Variants in TENM1 observed in about 807,000 individuals in gnomAD.
TENM1 encodes teneurin transmembrane protein 1.
A neutral mutation model predicts 174.8 loss-of-function variants in TENM1; 35 were observed. The observed-to-expected ratio is 0.20, with a 90% confidence interval of 0.15 to 0.27. The LOEUF is 0.27. Ranked by LOEUF, TENM1 falls within the 10% of genes least tolerant of loss-of-function variation. The pLI, the probability that TENM1 is intolerant of heterozygous loss-of-function variation, is 1.00. For missense variants in TENM1, 1,633 were observed against 2,130.1 expected, an observed-to-expected ratio of 0.77 and a Z score of 4.59; for synonymous variants, 781 against 798.7, an observed-to-expected ratio of 0.98 and a Z score of 0.37.
chrX:125,202,838 G>C, the TENM1 span, among the ~76,000 whole-genome samples: 171 of 112,428 alleles, frequency 1.5e-3, no homozygotes, highest in African/African-American at 5.2e-3. Context: ...TCCGCCTCTA[G>C]GCAAAGCATC....
intron 3 of TENM1, among the ~76,000 whole-genome samples, chrX:124,845,566 C>T (rs188008104): frequency 9.0e-6 from 1 of 111,700 alleles, no homozygotes; most frequent in African/African-American, 3.2e-5. Flanking sequence ...GTATTCCGAG[C>T]ATCAGATAAG....
At chrX:124,767,158 T>C (rs1056571550) in intron 3 of TENM1, among the ~76,000 whole-genome samples, 2 of 111,694 alleles carry the variant, frequency 1.8e-5, no homozygotes, top group African/African-American at 6.5e-5. Flanking sequence ...CTTCCTTTGC[T>C]TTGATGCTAT....
At chrX:124,631,888 CAA>C (rs1207149583) in intron 11 of TENM1, among the ~76,000 whole-genome samples, 248 of 29,659 alleles carry the variant, frequency 8.4e-3, no homozygotes, top group African/African-American at 0.028. Context: ...GACTCTGTCT[CAA>C]AAAAAAAAAA....
At chrX:124,627,565 C>G (rs1185686697) in intron 11 of TENM1, among the ~76,000 whole-genome samples, 2 of 111,727 alleles carry the variant, frequency 1.8e-5, no homozygotes, top group Non-Finnish European at 3.8e-5. Flanking sequence ...CAACTGACAG[C>G]TTGGTGATCC....
the TENM1 span, among the ~76,000 whole-genome samples, chrX:125,038,736 C>G: frequency 9.0e-6 from 1 of 111,209 alleles, no homozygotes; most frequent in Non-Finnish European, 1.9e-5. Flanking sequence ...CACAAAACAA[C>G]TATAATTGAC....
the TENM1 span, among the ~76,000 whole-genome samples, chrX:125,044,212 T>TAAAAAAAAAAAAAAAAAAAAAAA: frequency 1.3e-5 from 1 of 74,849 alleles, no homozygotes; most frequent in Non-Finnish European, 2.6e-5. Context: ...TAAAAAAAAA[T>TAAAAAAAAAAAAAAAAAAAAAAA]AAAAAAAAAA....
chrX:124,396,318 T>TTTTTTTTTTTTTTTG (rs1569529045), intron 27 of TENM1, among the ~76,000 whole-genome samples: 1 of 101,551 alleles, frequency 9.8e-6, no homozygotes, highest in Admixed American at 1.1e-4. Context: ...TTTTTTTTTT[T>TTTTTTTTTTTTTTTG]CGAGCCGGAG....
At chrX:124,892,727 C>A (rs1016353094) in intron 3 of TENM1, among the ~76,000 whole-genome samples, 3 of 111,432 alleles carry the variant, frequency 2.7e-5, no homozygotes, top group Admixed American at 9.5e-5. Context: ...ACTGCCTCAT[C>A]GATAATCTAA....
intron 22 of TENM1, among the ~76,000 whole-genome samples, chrX:124,464,523 A>T (rs1412653912): frequency 1.8e-5 from 2 of 112,165 alleles, no homozygotes; most frequent in Non-Finnish European, 3.8e-5. Flanking sequence ...TGACTAATGA[A>T]GCTAGTGCTA....
At chrX:125,129,686 G>A in the TENM1 span, among the ~76,000 whole-genome samples, 1 of 110,327 alleles carries the variant, frequency 9.1e-6, no homozygotes, top group Non-Finnish European at 1.9e-5. Context: ...AAATAAGTGA[G>A]AACATGTGAA....
chrX:124,937,601 A>G (rs964188378), intron 1 of TENM1, among the ~76,000 whole-genome samples: 1 of 111,487 alleles, frequency 9.0e-6, no homozygotes, highest in Admixed American at 9.4e-5. Flanking sequence ...AAGTCTGTCA[A>G]TGATGATGGA....
chrX:124,486,745 T>C lies in TENM1; in HGVS notation c.3716+464A>G, dbSNP rs12006963. 3.4e-3 allele frequency among the ~76,000 whole-genome samples: 378 copies of C among 111,610 alleles called. 1 individual carries two copies. The highest frequency in any genetic ancestry group is 0.012 in the African/African-American group (362 of 30,770). ...AAGAAATAGAAACAGTGAGGTCACA[T>C]AAAAGAAAAAAAGAAAAAAGTGTAT... On this transcript the variant is annotated intron_variant, in intron 21 of 31. Transcript: ENST00000422452.
At chrX:124,390,626 C>T (rs1479994642) in intron 28 of TENM1, among the ~76,000 whole-genome samples, 1 of 112,386 alleles carries the variant, frequency 8.9e-6, no homozygotes, top group Non-Finnish European at 1.9e-5. Flanking sequence ...AAGATTGGTG[C>T]AAACCTGTCT....
chrX:124,623,602 AACAC>A (rs759448090), intron 11 of TENM1, among the ~76,000 whole-genome samples: 1 of 110,920 alleles, frequency 9.0e-6, no homozygotes, highest in African/African-American at 3.3e-5. Flanking sequence ...ATTTGCATTA[AACAC>A]ACACACACAC....
intron 18 of TENM1, among the ~76,000 whole-genome samples, chrX:124,504,121 A>G (rs757137483): frequency 8.9e-6 from 1 of 111,809 alleles, no homozygotes; most frequent in African/African-American, 3.2e-5. Flanking sequence ...ATAGTGAAAA[A>G]TGCACTCAGC....
At chrX:124,856,688 T>C (rs2056820034) in intron 3 of TENM1, among the ~76,000 whole-genome samples, 1 of 111,377 alleles carries the variant, frequency 9.0e-6, no homozygotes, top group Non-Finnish European at 1.9e-5. Context: ...TAAAATACCA[T>C]TCTTTAGTCA....
At chrX:124,552,749 G>T (rs2048603464) in intron 14 of TENM1, among the ~76,000 whole-genome samples, 1 of 111,236 alleles carries the variant, frequency 9.0e-6, no homozygotes, top group South Asian at 3.8e-4. Flanking sequence ...CCACTCCTCT[G>T]GCTGTTCCTT....
At chrX:124,545,888 T>C (rs12006581) in intron 15 of TENM1, among the ~76,000 whole-genome samples, 4,574 of 111,595 alleles carry the variant, frequency 0.041, 240 homozygotes, top group African/African-American at 0.14. Context: ...AAAAAAAAAA[T>C]TTTAAACTTT....
the TENM1 span, among the ~76,000 whole-genome samples, chrX:125,175,806 C>G: frequency 2.7e-5 from 3 of 111,492 alleles, no homozygotes; most frequent in African/African-American, 9.8e-5. Context: ...CAAATGTGTC[C>G]AGTTACTATT....
Sources: gnomAD v4.1 joint callset for allele counts (sites outside exome capture counted in the v4.1 genomes callset) on GRCh38, gnomAD v4.1.1 for gene constraint, MANE v1.5 for transcripts, NCBI Gene and HGNC (gene_info 2026-07-23, HGNC 2026-07-21) for gene names.